The following TMC3 variants were observed in gnomAD, a reference collection of about 807,000 sequenced individuals.
TMC3 encodes the protein transmembrane channel-like protein 3.
Under a neutral mutation model 110.6 loss-of-function variants are expected in TMC3, and 98 were observed. The observed-to-expected ratio is 0.89, with a 90% CI of 0.75 to 1.05. The LOEUF (loss-of-function observed/expected upper bound fraction) is 1.05. Ranked by LOEUF, TMC3 falls within the 50% of genes least tolerant of loss-of-function variation. The probability of loss-of-function intolerance (pLI) is 0.00; values close to 1 mark genes in which losing one functional copy is unlikely to be tolerated. For missense variants in TMC3, 1,319 were observed against 1,373.2 expected (o/e 0.96, Z 0.62); for synonymous variants, 489 against 513.1 (o/e 0.95, Z 0.63).
rs372451698 is a variant in TMC3, at chr15:81,338,668, C to T, written c.2068G>A (p.Val690Ile). Reference sequence around the variant, plus strand: ...TGTGGTACTCACAAAAGCAGGAGTACTGCGGGCAGGATGACCACGGGGCTA... The same window carrying T: ...TGTGGTACTCACAAAAGCAGGAGTATTGCGGGCAGGATGACCACGGGGCTA... ...ISSPVVILPA[V>I]LLLFMLIYYL... The change falls in exon 18 of 22, where the codon GTA (valine) becomes ATA (isoleucine). Residue 690 changes from valine (V) to isoleucine (I), a missense_variant. By Grantham distance (29) the Val-to-Ile change is conservative (BLOSUM62 3). Coordinates refer to ENST00000359440, the MANE Select transcript of TMC3 (RefSeq NM_001080532.3). The T allele has an allele frequency of 3.7e-6, 6 of 1,613,960 alleles. No individual in the cohort carries two copies. The African/African-American group carries it at 5.3e-5, about 14-fold the overall frequency.
Position 81,343,998 on chromosome 15 carries a change from G to A in TMC3, c.1566C>T (p.Ser522=), listed in dbSNP as rs1274021747. 6.2e-7 allele frequency: 1 copy of A among 1,612,788 alleles called. No individual in the cohort carries two copies. The highest frequency in any genetic ancestry group is 1.3e-5 in the African/African-American group (1 of 74,914). Reference sequence around the variant, plus strand: ...CTCGGAAGAAGTCTATGAGCAGAATGCTCGCCACGGTGAAGAGCATGTCAA... The same window carrying A: ...CTCGGAAGAAGTCTATGAGCAGAATACTCGCCACGGTGAAGAGCATGTCAA... ...SIIDMLFTVA[S]ILLIDFFRGL... is the part of the protein sequence containing the mutation. The change falls in exon 14 of 22, where the codon AGC becomes AGT. Residue 522 remains serine, a synonymous_variant. Transcript: ENST00000359440.
In TMC3 at chr15:81,343,324, T is replaced by C; in HGVS notation, c.1669A>G (p.Ile557Val). Residue 557 changes from isoleucine to valine, a missense_variant, in exon 15 of 22, where the codon ATA becomes GTA. Physicochemically the swap from Ile to Val is conservative, Grantham distance 29 (BLOSUM62 3). Coordinates refer to ENST00000359440, the MANE Select transcript of TMC3 (RefSeq NM_001080532.3). Reference protein sequence around the residue: ...SKFPEYGEFKIAENVLHLVYN... With the variant: ...SKFPEYGEFKVAENVLHLVYN... ...ACTAAATGTAGCACATTCTCAGCTA[T>C]TTTGAATTCTCCATATTCAGGCTAC... 6.2e-7 allele frequency: 1 copy of C among 1,610,352 alleles called. No homozygotes were observed. The highest frequency in any genetic ancestry group is 8.5e-7 in the Non-Finnish European group (1 of 1,176,592).
intron 15 of TMC3, chr15:81,341,773 C>T: frequency 4.1e-6 from 1 of 242,970 alleles, no homozygotes; most frequent in Non-Finnish European, 8.0e-6. Context: ...TCTCTTTTCA[C>T]AGCTGAGCAA....
intron 12 of TMC3, 109 bp from the exon 13 acceptor site, chr15:81,345,120 G>C: frequency 3.4e-6 from 5 of 1,458,094 alleles, no homozygotes; most frequent in Non-Finnish European, 4.5e-6. Flanking sequence ...TCATTGCATT[G>C]CTTGGGAGTA....
intron 1 of TMC3, among the ~76,000 whole-genome samples, 160 bp from the exon 2 acceptor site, chr15:81,372,897 G>GTGTGTA (rs1397053986): frequency 6.9e-6 from 1 of 145,082 alleles, no homozygotes; most frequent in African/African-American, 2.8e-5. Flanking sequence ...GTGTGTGTGT[G>GTGTGTA]TAAAGTGAGG....
chr15:81,337,068 G>GTTT (rs35324508), intron 19 of TMC3, among the ~76,000 whole-genome samples: 1 of 147,836 alleles, frequency 6.8e-6, no homozygotes. Context: ...TTCATGGGAA[G>GTTT]TTTTTTTTTT....
intron 15 of TMC3, among the ~76,000 whole-genome samples, chr15:81,342,404 T>C (rs939474632): frequency 4.6e-5 from 7 of 152,202 alleles, no homozygotes; most frequent in African/African-American, 1.4e-4. Context: ...TTCTCATCTT[T>C]AAAAAGGGGA....
chr15:81,352,591 T>C (rs1039631215), intron 9 of TMC3, among the ~76,000 whole-genome samples: 5 of 152,238 alleles, frequency 3.3e-5, no homozygotes, highest in African/African-American at 1.2e-4. Context: ...GGTATACTTC[T>C]ACTTATTTAA....
At chr15:81,337,745 G>T in intron 19 of TMC3, 101 bp downstream of exon 19, 1 of 1,029,578 alleles carries the variant, frequency 9.7e-7, no homozygotes, top group Non-Finnish European at 1.5e-6. Context: ...AAGAGTCACA[G>T]AAACCTTGAA....
rs560271975 is a variant in TMC3 at position 81,334,478 on chromosome 15, G to A, written c.2459+242C>T. Among the ~76,000 whole-genome samples the A allele has an allele frequency of 8.5e-5, 13 of 152,288 alleles. No individual in the cohort carries two copies. The South Asian group carries it at 2.7e-3, about 32-fold the overall frequency. On this transcript the variant is annotated intron_variant, in intron 21 of 21. Transcript: ENST00000359440. ...TAGCCTAGACAAATGTTTATCCTAGGTTGGCTGGAAGGTTTGCTTACAAGT... is the reference window on the plus strand; with the variant it reads ...TAGCCTAGACAAATGTTTATCCTAGATTGGCTGGAAGGTTTGCTTACAAGT...
chr15:81,340,445 G>C (rs1355341027), intron 16 of TMC3, among the ~76,000 whole-genome samples: 2 of 152,110 alleles, frequency 1.3e-5, no homozygotes, highest in Non-Finnish European at 2.9e-5. Flanking sequence ...TATGTGTACT[G>C]TCATCAGATA....
chr15:81,365,544 G>A (rs1390588609), intron 3 of TMC3, among the ~76,000 whole-genome samples: 5 of 151,810 alleles, frequency 3.3e-5, no homozygotes, highest in East Asian at 1.9e-4. Flanking sequence ...GGTGGCAGGC[G>A]CCTGTAATCC....
intron 7 of TMC3, among the ~76,000 whole-genome samples, chr15:81,357,863 A>G (rs1163074351): frequency 6.6e-6 from 1 of 152,212 alleles, no homozygotes; most frequent in Non-Finnish European, 1.5e-5. Flanking sequence ...CAGGCCCAAT[A>G]TAGGACCTAG....
At chr15:81,345,204 A>C (rs1319054445) in intron 12 of TMC3, among the ~76,000 whole-genome samples, 193 bp from the exon 13 acceptor site, 1 of 152,204 alleles carries the variant, frequency 6.6e-6, no homozygotes, top group East Asian at 1.9e-4. Context: ...ACAGAGGTGT[A>C]ATGGATAATA....
rs200653005 is a variant in TMC3, at chr15:81,358,439, G to A, written c.563C>T (p.Ser188Leu). Reference sequence around the variant, plus strand: ...GACGGTGTCCAGGTCTTGGGCAGACGAAACCTGCTCCTTGGGGATGGTCTT... The same window carrying A: ...GACGGTGTCCAGGTCTTGGGCAGACAAAACCTGCTCCTTGGGGATGGTCTT... ...ARKTIPKEQV[S>L]SAQDLDTVWS... The change falls in exon 6 of 22, where the codon TCG becomes TTG. Residue 188 changes from serine to leucine, a missense_variant. By Grantham distance (145) the Ser-to-Leu change is moderately radical (BLOSUM62 -2). Transcript: ENST00000359440. The A allele has an allele frequency of 9.3e-6, 15 of 1,613,832 alleles. No homozygotes were observed. The highest frequency in any genetic ancestry group is 8.8e-5 in the South Asian group (8 of 91,066).
chr15:81,336,727 G>T, intron 19 of TMC3, 76 bp from the exon 20 acceptor site: 1 of 1,463,188 alleles, frequency 6.8e-7, no homozygotes, highest in Non-Finnish European at 9.6e-7. Context: ...TGGGGGAAGA[G>T]AAAAAGATTT....
intron 9 of TMC3, among the ~76,000 whole-genome samples, chr15:81,353,371 T>TA (rs1246301111): frequency 6.6e-6 from 1 of 152,236 alleles, no homozygotes; most frequent in Non-Finnish European, 1.5e-5. Context: ...ACAGTGTTTA[T>TA]AAAGTCTACG....
chr15:81,350,816 G>C (rs756466138), intron 10 of TMC3, among the ~76,000 whole-genome samples: 42 of 152,102 alleles, frequency 2.8e-4, no homozygotes, highest in Non-Finnish European at 3.8e-4. Context: ...GTCTTAAAAT[G>C]AATATTTAGA....
chr15:81,353,436 C>T (rs1893994744), intron 9 of TMC3, among the ~76,000 whole-genome samples: 1 of 152,214 alleles, frequency 6.6e-6, no homozygotes, highest in African/African-American at 2.4e-5. Flanking sequence ...CATTCATTGA[C>T]TCACTCAGAG....
Sources: allele counts gnomAD v4.1 joint callset (sites outside exome capture counted in the v4.1 genomes callset), GRCh38; gene constraint gnomAD v4.1.1; transcripts MANE v1.5; gene names NCBI Gene and HGNC (gene_info 2026-07-23, HGNC 2026-07-21).